ATG4A: variants seen among roughly 807,000 people sequenced by gnomAD.
ATG4A encodes autophagy related 4A cysteine peptidase.
In ATG4A, 22 loss-of-function variants were observed where a neutral mutation model predicts 38.4. The observed-to-expected ratio is 0.57, with a 90% CI of 0.41 to 0.82. The LOEUF is 0.82. ATG4A is among the 40% of genes least tolerant of loss of function. The pLI, the probability that ATG4A is intolerant of heterozygous loss-of-function variation, is 0.00. For synonymous variants in ATG4A, 86 were observed against 100.7 expected, an observed-to-expected ratio of 0.85 and a Z score of 0.88; for missense variants, 220 against 290.0, an observed-to-expected ratio of 0.76 and a Z score of 1.75.
At chrX:108,098,305 A>G (rs747932887) in intron 1 of ATG4A, among the ~76,000 whole-genome samples, 21 of 111,330 alleles carry the variant, frequency 1.9e-4, no homozygotes, top group Admixed American at 1.7e-3. Flanking sequence ...CTTTATATTT[A>G]CTCCCTGAGT....
chrX:108,153,539 A>G (rs1199228222), intron 12 of ATG4A, 103 bp from the exon 13 acceptor site: 5 of 590,748 alleles, frequency 8.5e-6, no homozygotes, highest in Non-Finnish European at 1.4e-5. Flanking sequence ...TCTTTAGTAC[A>G]GCAATTAAAA....
At chrX:108,109,505 TCTTGTTGCC>T (rs2032293508) in intron 1 of ATG4A, among the ~76,000 whole-genome samples, 4 of 112,375 alleles carry the variant, frequency 3.6e-5, no homozygotes, top group Non-Finnish European at 5.6e-5. Context: ...CTATTTTTGT[TCTTGTTGCC>T]TGTGCTTTTG....
At chrX:108,129,377 G>A (rs929435877) in intron 3 of ATG4A, among the ~76,000 whole-genome samples, 2 of 111,603 alleles carry the variant, frequency 1.8e-5, no homozygotes, top group African/African-American at 6.5e-5. Flanking sequence ...CTCAATAGGT[G>A]AAGTGAATAT....
At position 108,152,829 on chromosome X, in the gene ATG4A, G is replaced by C. The variant is rs2033622214; in HGVS notation, c.1018-150G>C. On this transcript the variant is annotated intron_variant, in intron 11 of 12. Transcript: ENST00000372232. Reference sequence around the variant, plus strand: ...AGAATTGAAGATGGCTGAGTCTTCAGATGGTTCAAGTAGAGGATGCATGTA... The same window carrying C: ...AGAATTGAAGATGGCTGAGTCTTCACATGGTTCAAGTAGAGGATGCATGTA... The C allele has an allele frequency of 2.7e-5, 12 of 440,784 alleles. No individual in the cohort carries two copies. In the South Asian group the frequency reaches 4.3e-4, roughly 16 times the overall value. The allele number at this position is 440,784 out of a possible 1,213,427, so 36.3% of individuals were successfully genotyped here.
chrX:108,133,596 A>C (rs996720503), intron 4 of ATG4A, among the ~76,000 whole-genome samples: 1 of 112,155 alleles, frequency 8.9e-6, no homozygotes, highest in African/African-American at 3.2e-5. Flanking sequence ...TCAGAATAGC[A>C]CTTCTTACCC....
At chrX:108,129,870 C>CTT (rs775581997) in intron 3 of ATG4A, among the ~76,000 whole-genome samples, 3 of 95,013 alleles carry the variant, frequency 3.2e-5, no homozygotes, top group Non-Finnish European at 4.2e-5. Context: ...GCTCCCGGCC[C>CTT]TTTTTTTTTT....
chrX:108,137,068 CT>C (rs745694868), intron 6 of ATG4A, 22 bp from the exon 7 acceptor site: 1 of 1,178,434 alleles, frequency 8.5e-7, no homozygotes, highest in African/African-American at 1.7e-5. Context: ...CAAATTGTGA[CT>C]TCATTATACA....
Position 108,153,025 on chromosome X carries a change from A to G in ATG4A, c.1064A>G (p.His355Arg), listed in dbSNP as rs1435680830. The G allele has an allele frequency of 8.3e-7, 1 of 1,211,720 alleles. No individual in the cohort carries two copies. Among genetic ancestry groups the G allele is most frequent in the South Asian group, 1.8e-5 (1 of 56,963 alleles). Residue 355 changes from histidine to arginine, a missense_variant, in exon 12 of 13, where the codon CAT (histidine) becomes CGT (arginine). Physicochemically the swap from His to Arg is conservative, Grantham distance 29. This residue lies in a region of ATG4A where 159 missense variants were observed against 188.9 expected (regional missense o/e 0.84). Transcript: ENST00000372232. ...AGGATGTTTGAATTAGTTCAGAAACATCCATCACACTGGCCTCCCTTTGTA... is the reference window on the plus strand; with the variant it reads ...AGGATGTTTGAATTAGTTCAGAAACGTCCATCACACTGGCCTCCCTTTGTA... Reference protein sequence around the residue: ...NLRMFELVQKHPSHWPPFVPP... With the variant: ...NLRMFELVQKRPSHWPPFVPP...
At chrX:108,143,023 G>A (rs779269224) in intron 9 of ATG4A, among the ~76,000 whole-genome samples, 251 of 111,574 alleles carry the variant, frequency 2.2e-3, no homozygotes, top group African/African-American at 6.7e-3. Flanking sequence ...ACTATCCTTC[G>A]TACAACTGGA....
chrX:108,141,215 C>T (rs1293787275), intron 9 of ATG4A, among the ~76,000 whole-genome samples: 6 of 101,794 alleles, frequency 5.9e-5, no homozygotes. Flanking sequence ...GAGTGGAAGT[C>T]CATGTTGCTG....
In ATG4A at chrX:108,137,353, G is replaced by A. The variant is rs980840040; in HGVS notation, c.547+183G>A. ...TCTGAGAGGGAGAACACCATTAGAG[G>A]GGCCTTGCTCCTCCTCAGTGAGGTA... On this transcript the variant is annotated intron_variant, in intron 7 of 12. Transcript: ENST00000372232. Among the ~76,000 whole-genome samples, 6 of 112,039 alleles carry A rather than the reference G, an allele frequency of 5.4e-5. No individual in the cohort carries two copies. The Admixed American group carries it at 5.6e-4, about 11-fold the overall frequency.
In ATG4A at chrX:108,126,093, A is replaced by G; in HGVS notation, c.27A>G (p.Glu9=). The G allele has an allele frequency of 8.4e-7, 1 of 1,189,165 alleles. No individual in the cohort carries two copies. The highest frequency in any genetic ancestry group is 1.1e-6 in the Non-Finnish European group (1 of 877,475). MESVLSKY[E]DQITIFTDYL... ...TTCTTTCAGTTTTATCCAAGTATGA[A>G]GATCAGATTACTATTTTCACTGACT... is the stretch of plus-strand genomic sequence containing the variant. Residue 9 remains glutamate (E), a synonymous_variant, in exon 2 of 13, where the codon GAA becomes GAG. Transcript: ENST00000372232.
chrX:108,141,080 A>ACG (rs1569311760), intron 9 of ATG4A, among the ~76,000 whole-genome samples: 1 of 69,530 alleles, frequency 1.4e-5, no homozygotes, highest in African/African-American at 5.5e-5. Context: ...ACATATATAT[A>ACG]TATATATATA....
chrX:108,114,568 G>T (rs1484027869), intron 1 of ATG4A, among the ~76,000 whole-genome samples: 1 of 112,424 alleles, frequency 8.9e-6, no homozygotes, highest in African/African-American at 3.2e-5. Context: ...GTTTATTTGA[G>T]CAGACAGTGA....
upstream of ATG4A, among the ~76,000 whole-genome samples, chrX:108,089,036 G>A (rs2031532529): frequency 8.9e-6 from 1 of 112,494 alleles, no homozygotes; most frequent in Non-Finnish European, 1.9e-5. Flanking sequence ...AACATGGGGA[G>A]AATGACATTG....
chrX:108,126,535 A>C (rs1396085430), intron 2 of ATG4A, among the ~76,000 whole-genome samples: 1 of 112,194 alleles, frequency 8.9e-6, no homozygotes, highest in Non-Finnish European at 1.9e-5. Flanking sequence ...ATCACTAATC[A>C]GTCTCTAGCC....
In ATG4A at chrX:108,136,589, T is replaced by C. The variant is rs897084234; in HGVS notation, c.468-502T>C. ...AAGTAATCTCTCTCTCTCTTTCCCC[T>C]CCACCCACTGTCTCTATCTCTGGGT... is the stretch of plus-strand genomic sequence containing the variant. On this transcript the variant is annotated intron_variant, in intron 6 of 12. Transcript: ENST00000372232. Among the ~76,000 whole-genome samples, 6 of 111,592 alleles carry C rather than the reference T, an allele frequency of 5.4e-5. No individual in the cohort carries two copies. In the Admixed American group the frequency reaches 5.7e-4, roughly 11 times the overall value.
chrX:108,151,141 G>A (rs7878548), intron 10 of ATG4A, among the ~76,000 whole-genome samples: 38,675 of 110,705 alleles, frequency 0.35, 5,306 homozygotes, highest in Non-Finnish European at 0.42. Context: ...CACAATCTAG[G>A]AAGCTGCAGG....
Position 108,154,245 on chromosome X carries a change from T to C in ATG4A, c.*533T>C, listed in dbSNP as rs1464373778. On this transcript the variant is annotated 3_prime_UTR_variant, in exon 13 of 13. Coordinates refer to ENST00000372232, the MANE Select transcript of ATG4A (RefSeq NM_052936.5). ...TAATTATAATTTATATCAAAACGTT[T>C]GTCAAAGAAACGATGTCAAATATAC... 1 of 112,984 alleles carries C rather than the reference T, an allele frequency of 8.9e-6. No individual in the cohort carries two copies. Among genetic ancestry groups the C allele is most frequent in the Non-Finnish European group, 1.9e-5 (1 of 53,483 alleles). The allele number at this position is 112,984 out of a possible 1,213,427, so 9.3% of individuals were successfully genotyped here.
Sources: gnomAD v4.1 joint callset for allele counts (sites outside exome capture counted in the v4.1 genomes callset) on GRCh38, gnomAD v4.1.1 for gene constraint, gnomAD v4.1.1 regional missense constraint, MANE v1.5 for transcripts, NCBI Gene and HGNC (gene_info 2026-07-23, HGNC 2026-07-21) for gene names.